GPBP1: variants seen among roughly 807,000 people sequenced by gnomAD.
GPBP1 encodes vasculin.
Under a neutral mutation model 56.5 loss-of-function variants are expected in GPBP1, and 13 were observed. The observed-to-expected ratio is 0.23, with a 90% CI of 0.15 to 0.37. The LOEUF is 0.37. GPBP1 is among the 10% of genes least tolerant of loss of function. The probability of loss-of-function intolerance (pLI) is 1.00; values close to 1 mark genes in which losing one functional copy is unlikely to be tolerated. For missense variants in GPBP1, 477 were observed against 572.3 expected (o/e 0.83, Z 1.70); for synonymous variants, 204 against 188.9 (o/e 1.08, Z -0.66).
chr5:57,190,144 A>G (rs1754454931), intron 2 of GPBP1, among the ~76,000 whole-genome samples: 1 of 150,482 alleles, frequency 6.6e-6, no homozygotes, highest in East Asian at 1.9e-4. Context: ...ATTAACATCT[A>G]TAAATAATTT....
intron 3 of GPBP1, among the ~76,000 whole-genome samples, chr5:57,217,296 G>T (rs1755738465): frequency 6.6e-6 from 1 of 152,048 alleles, no homozygotes. Flanking sequence ...CTACTGCCTG[G>T]GTGCGGTGGC....
rs1179892707 is a variant in GPBP1, at chr5:57,246,311, A to C, written c.490A>C (p.Asn164His). Residue 164 changes from asparagine (N) to histidine (H), a missense_variant, in exon 7 of 12, where the codon AAT becomes CAT. Physicochemically the swap from Asn to His is moderately conservative, Grantham distance 68 (BLOSUM62 1). Transcript: ENST00000506184. The part of the protein sequence containing the change: ...LAAGVWEYPP[N>H]PKSRAPRMLV... ...CTTTATTTATGCAGAATATCCTCCG[A>C]ATCCTAAATCTAGAGCTCCAAGGAT... 6.2e-7 allele frequency: 1 copy of C among 1,612,056 alleles called. No homozygotes were observed. The highest frequency in any genetic ancestry group is 1.7e-5 in the Admixed American group (1 of 59,630).
intron 7 of GPBP1, among the ~76,000 whole-genome samples, chr5:57,246,789 G>A (rs74326907): frequency 0.18 from 28,050 of 152,008 alleles, 3,402 homozygotes; most frequent in Non-Finnish European, 0.27. Context: ...TCAGTTTTAG[G>A]TTTTGGAAAC....
intron 2 of GPBP1, among the ~76,000 whole-genome samples, chr5:57,198,106 TTTTTCAGTTACTTC>T (rs1754845764): frequency 6.6e-6 from 1 of 152,172 alleles, no homozygotes; most frequent in African/African-American, 2.4e-5. Flanking sequence ...TGCATTCAAA[TTTTTCAGTTACTTC>T]TTTTCAATCT....
At chr5:57,249,360 A>T (rs755110638) in intron 8 of GPBP1, 49 bp from the exon 9 acceptor site, 2 of 1,422,380 alleles carry the variant, frequency 1.4e-6, no homozygotes, top group Non-Finnish European at 1.9e-6. Context: ...TTATGTTGAC[A>T]TTGATTCCTT....
intron 2 of GPBP1, among the ~76,000 whole-genome samples, chr5:57,182,629 C>T (rs1029372710): frequency 6.6e-6 from 1 of 152,102 alleles, no homozygotes; most frequent in Non-Finnish European, 1.5e-5. Flanking sequence ...CCTCAGCCTC[C>T]CAAAGTGCTG....
chr5:57,226,739 T>C (rs1195486464), intron 3 of GPBP1, among the ~76,000 whole-genome samples: 3 of 66,646 alleles, frequency 4.5e-5, no homozygotes, highest in Non-Finnish European at 5.9e-5. Context: ...CTTTTTTTTT[T>C]TTTTTTTTTT....
intron 2 of GPBP1, among the ~76,000 whole-genome samples, chr5:57,209,197 G>A (rs1214515843): frequency 3.9e-5 from 6 of 151,980 alleles, no homozygotes; most frequent in Non-Finnish European, 7.4e-5. Flanking sequence ...AATTTAATTA[G>A]CTCTAATACA....
intron 2 of GPBP1, among the ~76,000 whole-genome samples, chr5:57,212,328 A>T (rs1385494479): frequency 1.3e-5 from 2 of 152,208 alleles, no homozygotes; most frequent in Non-Finnish European, 2.9e-5. Flanking sequence ...ATTTAACTTC[A>T]TGTTAAAAGA....
At chr5:57,210,826 A>G (rs1013507613) in intron 2 of GPBP1, among the ~76,000 whole-genome samples, 2 of 152,140 alleles carry the variant, frequency 1.3e-5, no homozygotes, top group Admixed American at 6.5e-5. Context: ...GCCTCTTCAC[A>G]TGGTCCTTTT....
At chr5:57,178,561 T>C (rs1021813696) in intron 2 of GPBP1, among the ~76,000 whole-genome samples, 10 of 152,214 alleles carry the variant, frequency 6.6e-5, no homozygotes, top group African/African-American at 2.4e-4. Context: ...TTCTTCTAAA[T>C]TGCCATTACT....
At chr5:57,261,820 T>C (rs545932853) in intron 11 of GPBP1, among the ~76,000 whole-genome samples, 2 of 152,322 alleles carry the variant, frequency 1.3e-5, no homozygotes, top group Admixed American at 6.5e-5. Context: ...GTTACCTTTC[T>C]GAAAGAGTAT....
At chr5:57,216,635 G>A (rs112888644) in intron 3 of GPBP1, among the ~76,000 whole-genome samples, 1 of 152,102 alleles carries the variant, frequency 6.6e-6, no homozygotes, top group Non-Finnish European at 1.5e-5. Context: ...GCAGGGAGCC[G>A]AGATCGTGCC....
chr5:57,231,334 T>G lies in GPBP1; in HGVS notation c.411+13T>G, dbSNP rs764888470. The stretch of plus-strand genomic sequence containing the variant: ...AGCTGAGGATTTTGTAAGTTTTTTA[T>G]GACTTTTATACAAATGAAGTTTCTG... On this transcript the variant is annotated intron_variant, in intron 5 of 11. Coordinates refer to ENST00000506184, the MANE Select transcript of GPBP1 (RefSeq NM_022913.4). 2 of 1,596,676 alleles carry G rather than the reference T, an allele frequency of 1.3e-6. No homozygotes were observed. Among genetic ancestry groups the G allele is most frequent in the Non-Finnish European group, 1.7e-6 (2 of 1,167,678 alleles).
chr5:57,227,355 C>T (rs1246136900), intron 3 of GPBP1, among the ~76,000 whole-genome samples: 1 of 152,112 alleles, frequency 6.6e-6, no homozygotes, highest in African/African-American at 2.4e-5. Flanking sequence ...GCATGAGCCA[C>T]CACACCTGGC....
At chr5:57,238,550 C>A (rs764157355) in intron 6 of GPBP1, among the ~76,000 whole-genome samples, 1 of 151,982 alleles carries the variant, frequency 6.6e-6, no homozygotes, top group African/African-American at 2.4e-5. Flanking sequence ...AAGAGTGAAA[C>A]TCCGTCTCAA....
In GPBP1 at chr5:57,262,588, T is replaced by C. The variant is rs1470468267; in HGVS notation, c.1264-6T>C. ...TAATTTATTTATTTTGCTGTTAACA[T>C]TTTAGTTACAGAAGAATGGTCTGAG... On this transcript the variant is annotated splice_polypyrimidine_tract_variant and splice_region_variant and intron_variant, in intron 11 of 11. Transcript: ENST00000506184. The C allele has an allele frequency of 2.5e-6, 4 of 1,600,270 alleles. No individual in the cohort carries two copies. Among genetic ancestry groups the C allele is most frequent in the Non-Finnish European group, 3.4e-6 (4 of 1,167,772 alleles).
chr5:57,257,151 G>A (rs1029157778), intron 10 of GPBP1, among the ~76,000 whole-genome samples: 2 of 151,288 alleles, frequency 1.3e-5, no homozygotes, highest in African/African-American at 2.4e-5. Context: ...CTCCTGCCTC[G>A]GCCTCCCGGA....
At chr5:57,187,224 G>A (rs548175023) in intron 2 of GPBP1, among the ~76,000 whole-genome samples, 46 of 152,154 alleles carry the variant, frequency 3.0e-4, no homozygotes, top group African/African-American at 1.0e-3. Context: ...GCAAAATAAC[G>A]TCATCTTGAA....
Sources: gnomAD v4.1 joint callset for allele counts (sites outside exome capture counted in the v4.1 genomes callset) on GRCh38, gnomAD v4.1.1 for gene constraint, MANE v1.5 for transcripts, NCBI Gene and HGNC (gene_info 2026-07-23, HGNC 2026-07-21) for gene names.